Variants in JARID2 observed in about 807,000 individuals in gnomAD.
The protein encoded by JARID2 is jumonji and AT-rich interaction domain containing 2.
A neutral mutation model predicts 125.6 loss-of-function variants in JARID2; 21 were observed. That is an observed-to-expected ratio of 0.17 (90% CI 0.12 to 0.24). JARID2 has a LOEUF of 0.24. Ranked by LOEUF, JARID2 falls within the 10% of genes least tolerant of loss-of-function variation. JARID2 has a pLI of 1.00. For missense variants in JARID2, 1,303 were observed against 1,639.6 expected, an observed-to-expected ratio of 0.79 and a Z score of 3.55; for synonymous variants, 736 against 661.6, an observed-to-expected ratio of 1.11 and a Z score of -1.73.
At chr6:15,344,730 G>T (rs542337112) in intron 1 of JARID2, among the ~76,000 whole-genome samples, 2 of 151,912 alleles carry the variant, frequency 1.3e-5, no homozygotes, top group Middle Eastern at 3.4e-3. Context: ...TTAATCCCAG[G>T]TTGTCTCTTA....
intron 1 of JARID2, among the ~76,000 whole-genome samples, chr6:15,372,321 A>C (rs975533014): frequency 2.5e-4 from 38 of 152,088 alleles, no homozygotes; most frequent in African/African-American, 8.9e-4. Context: ...GAATATCCAA[A>C]ATACCCCAAA....
At chr6:15,508,071 C>T (rs1223977446) in intron 11 of JARID2, among the ~76,000 whole-genome samples, 2 of 152,226 alleles carry the variant, frequency 1.3e-5, no homozygotes, top group African/African-American at 2.4e-5. Flanking sequence ...GCCGGTTCCT[C>T]GGCATTCCTC....
At chr6:15,404,519 GCA>G (rs3138770) in intron 2 of JARID2, among the ~76,000 whole-genome samples, 4,974 of 137,924 alleles carry the variant, frequency 0.036, 88 homozygotes, top group East Asian at 0.071. Flanking sequence ...ATCTTAAAGT[GCA>G]CACACACACA....
intron 1 of JARID2, among the ~76,000 whole-genome samples, chr6:15,336,151 A>C (rs1176085927): frequency 6.6e-6 from 1 of 152,232 alleles, no homozygotes; most frequent in Non-Finnish European, 1.5e-5. Context: ...CCCCTTTATC[A>C]TCCCAGAAGA....
chr6:15,369,876 A>G (rs1764102102), intron 1 of JARID2, among the ~76,000 whole-genome samples: 1 of 152,344 alleles, frequency 6.6e-6, no homozygotes, highest in Non-Finnish European at 1.5e-5. Flanking sequence ...TACAGAGAAC[A>G]CTGCAAAGTG....
At chr6:15,468,805 T>G in intron 5 of JARID2, 87 bp downstream of exon 5, 8 of 1,317,312 alleles carry the variant, frequency 6.1e-6, no homozygotes, top group Non-Finnish European at 7.3e-6. Flanking sequence ...AGAGATGAGA[T>G]GAAGGCAAAG....
chr6:15,466,255 C>T (rs1474223902), intron 4 of JARID2, among the ~76,000 whole-genome samples: 2 of 152,126 alleles, frequency 1.3e-5, no homozygotes, highest in African/African-American at 2.4e-5. Flanking sequence ...TCTCCTGTTT[C>T]CTTCTGAAAA....
chr6:15,294,606 G>C (rs919186096), intron 1 of JARID2, among the ~76,000 whole-genome samples: 1 of 152,206 alleles, frequency 6.6e-6, no homozygotes, highest in African/African-American at 2.4e-5. Flanking sequence ...GCAGTGTTGT[G>C]TGTGCGTGTG....
At chr6:15,507,317 T>G (rs377722836) in intron 10 of JARID2, 29 bp from the exon 11 acceptor site, 5 of 1,611,218 alleles carry the variant, frequency 3.1e-6, no homozygotes, top group East Asian at 2.2e-5. Context: ...CCCGCCAGTT[T>G]GTAACGTCCC....
At chr6:15,337,577 T>A (rs2127463728) in intron 1 of JARID2, among the ~76,000 whole-genome samples, 1 of 152,294 alleles carries the variant, frequency 6.6e-6, no homozygotes, top group African/African-American at 2.4e-5. Flanking sequence ...ATGGAACCCC[T>A]GCCCGAGGAA....
chr6:15,349,329 G>A (rs1763349715), intron 1 of JARID2, among the ~76,000 whole-genome samples: 1 of 152,158 alleles, frequency 6.6e-6, no homozygotes, highest in Admixed American at 6.5e-5. Flanking sequence ...TAAGTTTTTA[G>A]TGTCTCCATC....
intron 1 of JARID2, among the ~76,000 whole-genome samples, chr6:15,355,004 T>G (rs891157926): frequency 6.6e-6 from 1 of 152,104 alleles, no homozygotes; most frequent in South Asian, 2.1e-4. Flanking sequence ...AAGAAAGAAA[T>G]AATTGAAAGT....
At chr6:15,340,467 T>G (rs1173520487) in intron 1 of JARID2, among the ~76,000 whole-genome samples, 1 of 152,240 alleles carries the variant, frequency 6.6e-6, no homozygotes, top group African/African-American at 2.4e-5. Context: ...TTGGTGCTAA[T>G]GAAAAGTAGT....
Position 15,398,586 on chromosome 6 carries a change from C to T in JARID2, c.182-11638C>T, listed in dbSNP as rs931876115. On this transcript the variant is annotated intron_variant, in intron 2 of 17. Coordinates refer to ENST00000341776, the MANE Select transcript of JARID2 (RefSeq NM_004973.4). The stretch of plus-strand genomic sequence containing the variant: ...ACAACGGAGAGTTTTGTTAAGTCTC[C>T]TTCCTGGCCTGACAGACACAGGACT... Among the ~76,000 whole-genome samples the T allele has an allele frequency of 2.6e-5, 4 of 152,180 alleles. No individual in the cohort carries two copies. The East Asian group carries it at 7.7e-4, about 29-fold the overall frequency.
chr6:15,480,033 C>T lies in JARID2; in HGVS notation c.671-7274C>T, dbSNP rs569798470. Among the ~76,000 whole-genome samples the T allele has an allele frequency of 4.6e-5, 7 of 152,334 alleles. No individual in the cohort carries two copies. The South Asian group carries it at 1.5e-3, about 32-fold the overall frequency. On this transcript the variant is annotated intron_variant, in intron 5 of 17. Transcript: ENST00000341776. ...GCCAGCCAATTGACGGAGTCTGTGT[C>T]TTGCCCAAGGAAGGGATGCCTTGTA...
intron 1 of JARID2, among the ~76,000 whole-genome samples, chr6:15,284,893 C>T (rs551660832): frequency 6.6e-6 from 1 of 152,200 alleles, no homozygotes; most frequent in South Asian, 2.1e-4. Flanking sequence ...AAGCTAGGAG[C>T]TTGCCCTTCA....
At chr6:15,363,015 T>G (rs1763854837) in intron 1 of JARID2, among the ~76,000 whole-genome samples, 1 of 151,836 alleles carries the variant, frequency 6.6e-6, no homozygotes, top group African/African-American at 2.4e-5. Flanking sequence ...AGAAGATGAT[T>G]TAGTAGTTAT....
At position 15,299,499 on chromosome 6, in the gene JARID2, C is replaced by T. The variant is rs573914648; in HGVS notation, c.45+52915C>T. Among the ~76,000 whole-genome samples the T allele has an allele frequency of 9.2e-5, 14 of 152,234 alleles. No homozygotes were observed. In the South Asian group the frequency reaches 2.7e-3, roughly 29 times the overall value. ...GCTTTGTGTCAGAAATAGATGCCAT[C>T]CCTTTTTCTGTAGGAAGGAATTTAT... On this transcript the variant is annotated intron_variant, in intron 1 of 17. Transcript: ENST00000341776.
chr6:15,333,499 C>T (rs1157812528), intron 1 of JARID2, among the ~76,000 whole-genome samples: 1 of 152,090 alleles, frequency 6.6e-6, no homozygotes, highest in Non-Finnish European at 1.5e-5. Flanking sequence ...TATTATGTTT[C>T]TCCATGTTCC....
Sources: allele counts gnomAD v4.1 joint callset (sites outside exome capture counted in the v4.1 genomes callset), GRCh38; gene constraint gnomAD v4.1.1; transcripts MANE v1.5; gene names NCBI Gene and HGNC (gene_info 2026-07-23, HGNC 2026-07-21).